The following TOX variants were observed in gnomAD, a reference collection of about 807,000 sequenced individuals.
TOX encodes thymocyte selection-associated high mobility group box protein TOX.
TOX carries 11 observed loss-of-function variants against 53.7 expected under a neutral mutation model. That is an observed-to-expected ratio of 0.20 (90% CI 0.13 to 0.34). TOX has a LOEUF of 0.34. Among genes scored for constraint, TOX ranks in the 10% least tolerant of loss-of-function variants. TOX has a pLI of 1.00. For synonymous variants in TOX, 225 were observed against 245.3 expected (o/e 0.92, Z 0.77); for missense variants, 570 against 664.6 (o/e 0.86, Z 1.56).
intron 1 of TOX, among the ~76,000 whole-genome samples, chr8:59,045,832 A>G (rs993282639): frequency 6.6e-6 from 1 of 152,216 alleles, no homozygotes; most frequent in African/African-American, 2.4e-5. Flanking sequence ...CTGGCAGAGT[A>G]CCTGTGATTA....
chr8:59,048,758 A>G (rs1010772244), intron 1 of TOX, among the ~76,000 whole-genome samples: 25 of 152,200 alleles, frequency 1.6e-4, no homozygotes, highest in African/African-American at 5.8e-4. Flanking sequence ...CTGGCATGCA[A>G]TGCATAATAT....
intron 1 of TOX, among the ~76,000 whole-genome samples, chr8:58,977,537 C>G (rs1813123894): frequency 6.6e-6 from 1 of 152,222 alleles, no homozygotes; most frequent in Non-Finnish European, 1.5e-5. Flanking sequence ...CACAACCTGG[C>G]TGTTTGGCAC....
At chr8:58,905,800 T>A (rs950039518) in intron 3 of TOX, among the ~76,000 whole-genome samples, 3 of 152,214 alleles carry the variant, frequency 2.0e-5, no homozygotes, top group Non-Finnish European at 4.4e-5. Flanking sequence ...CATTATCCAA[T>A]CATTCGACTT....
intron 6 of TOX, among the ~76,000 whole-genome samples, chr8:58,823,999 G>A (rs1201276341): frequency 6.6e-6 from 1 of 152,188 alleles, no homozygotes; most frequent in African/African-American, 2.4e-5. Context: ...GAGGTGCTCT[G>A]GCTAACACAG....
chr8:59,079,780 C>T (rs1804366062), intron 1 of TOX, among the ~76,000 whole-genome samples: 1 of 152,174 alleles, frequency 6.6e-6, no homozygotes, highest in African/African-American at 2.4e-5. Flanking sequence ...AAGCCAGCAT[C>T]CTCCAGACCC....
chr8:58,906,982 A>G (rs562450060), intron 3 of TOX, among the ~76,000 whole-genome samples: 2 of 152,342 alleles, frequency 1.3e-5, no homozygotes, highest in South Asian at 4.1e-4. Flanking sequence ...TAGCACTGAA[A>G]GTCTAAATCT....
intron 7 of TOX, among the ~76,000 whole-genome samples, chr8:58,811,572 T>C (rs1341225945): frequency 3.9e-5 from 6 of 152,224 alleles, no homozygotes; most frequent in Non-Finnish European, 8.8e-5. Flanking sequence ...CAGGCATCAA[T>C]GTTTTTGTCT....
chr8:59,043,374 T>C (rs1440463552), intron 1 of TOX, among the ~76,000 whole-genome samples: 4 of 151,504 alleles, frequency 2.6e-5, no homozygotes, highest in Non-Finnish European at 5.9e-5. Flanking sequence ...ATGTTTATTA[T>C]TTATTTTTAA....
At chr8:58,999,595 A>G (rs898339515) in intron 1 of TOX, among the ~76,000 whole-genome samples, 4 of 152,184 alleles carry the variant, frequency 2.6e-5, no homozygotes, top group African/African-American at 7.2e-5. Context: ...AAATGCATAG[A>G]GGTTTGATCA....
intron 1 of TOX, among the ~76,000 whole-genome samples, chr8:59,084,727 G>A (rs941669892): frequency 2.6e-5 from 4 of 152,134 alleles, no homozygotes; most frequent in African/African-American, 7.2e-5. Context: ...TTACTGACAT[G>A]TGAAATTCTA....
intron 2 of TOX, among the ~76,000 whole-genome samples, chr8:58,950,249 C>A (rs1233282620): frequency 6.6e-6 from 1 of 151,944 alleles, no homozygotes; most frequent in Admixed American, 6.6e-5. Flanking sequence ...TTCATATATA[C>A]ATATAAAAAT....
rs998767585 is a variant in TOX at position 58,838,269 on chromosome 8, T to G, written c.736A>C (p.Lys246Gln). The G allele has an allele frequency of 4.3e-6, 7 of 1,614,074 alleles. No homozygotes were observed. Among genetic ancestry groups the G allele is most frequent in the Non-Finnish European group, 5.9e-6 (7 of 1,180,004 alleles). Residue 246 changes from lysine (K) to glutamine (Q), a missense_variant, in exon 5 of 9, where the codon AAA (lysine) becomes CAA (glutamine). Lys to Gln is a moderately conservative substitution (Grantham distance 53, BLOSUM62 1). Transcript: ENST00000361421. ...TTCTTCTTTTTGGGAGTTTTTGGTT[T>G]TTTCCCCATATCAGAGGCAGGCCGC... ...EKRPASDMGK[K>Q]PKTPKKKKKK...
chr8:58,882,140 T>G (rs915572096), intron 3 of TOX, among the ~76,000 whole-genome samples: 1 of 152,216 alleles, frequency 6.6e-6, no homozygotes, highest in South Asian at 2.1e-4. Context: ...GAACCATGAC[T>G]GTTAGGGAAA....
chr8:58,812,414 C>T (rs974762304), intron 7 of TOX, among the ~76,000 whole-genome samples: 1 of 152,134 alleles, frequency 6.6e-6, no homozygotes, highest in Non-Finnish European at 1.5e-5. Context: ...ATGCTCATCC[C>T]CAGATTGGCT....
At chr8:59,072,350 T>A (rs1381482661) in intron 1 of TOX, among the ~76,000 whole-genome samples, 1 of 152,166 alleles carries the variant, frequency 6.6e-6, no homozygotes, top group Admixed American at 6.5e-5. Flanking sequence ...GCCTGGTAGG[T>A]AGAAACAGTG....
At chr8:59,091,196 C>A (rs1804601403) in intron 1 of TOX, among the ~76,000 whole-genome samples, 1 of 152,142 alleles carries the variant, frequency 6.6e-6, no homozygotes, top group African/African-American at 2.4e-5. Flanking sequence ...CTCCGTCCAC[C>A]ACTGCCTGAC....
chr8:58,990,371 T>C (rs1585946359), intron 1 of TOX, among the ~76,000 whole-genome samples: 2 of 152,042 alleles, frequency 1.3e-5, no homozygotes, highest in African/African-American at 4.8e-5. Flanking sequence ...AATATCCTTC[T>C]AGTAAAGCTT....
chr8:58,947,721 T>C (rs1432290064), intron 2 of TOX, among the ~76,000 whole-genome samples: 1 of 152,144 alleles, frequency 6.6e-6, no homozygotes, highest in East Asian at 1.9e-4. Context: ...TATCAGAGTG[T>C]AAACAAAAAG....
At chr8:58,966,921 C>T (rs1812913500) in intron 1 of TOX, among the ~76,000 whole-genome samples, 2 of 143,582 alleles carry the variant, frequency 1.4e-5, no homozygotes, top group South Asian at 4.4e-4. Context: ...GTCGCCCAGG[C>T]TGGAGTGCAG....
Sources: gnomAD v4.1 joint callset for allele counts (sites outside exome capture counted in the v4.1 genomes callset) on GRCh38, gnomAD v4.1.1 for gene constraint, MANE v1.5 for transcripts, NCBI Gene and HGNC (gene_info 2026-07-23, HGNC 2026-07-21) for gene names.